SPMIP2: variants seen among roughly 807,000 people sequenced by gnomAD.
The protein encoded by SPMIP2 is protein SPMIP2.
chr4:159,016,515 T>A, the SPMIP2 span, among the ~76,000 whole-genome samples: 1 of 152,188 alleles, frequency 6.6e-6, no homozygotes, highest in Non-Finnish European at 1.5e-5. Flanking sequence ...AGCTCCCAAT[T>A]TTCTAGTTAA....
At chr4:158,980,022 G>A in the SPMIP2 span, among the ~76,000 whole-genome samples, 260 of 152,142 alleles carry the variant, frequency 1.7e-3, 1 homozygote, top group African/African-American at 5.8e-3. Context: ...TTGGTGGGGA[G>A]GGGTATCCAC....
chr4:158,953,739 T>C, the SPMIP2 span, among the ~76,000 whole-genome samples: 1 of 152,190 alleles, frequency 6.6e-6, no homozygotes, highest in Non-Finnish European at 1.5e-5. Flanking sequence ...CCCAAGACCA[T>C]GGGAACCTAC....
chr4:158,921,976 C>T, the SPMIP2 span, among the ~76,000 whole-genome samples: 10 of 150,474 alleles, frequency 6.6e-5, no homozygotes, highest in Non-Finnish European at 1.2e-4. Context: ...CAAGTTCCAC[C>T]TCCTGGGTTC....
the SPMIP2 span, among the ~76,000 whole-genome samples, chr4:159,044,004 G>A: frequency 6.6e-6 from 1 of 152,122 alleles, no homozygotes; most frequent in Admixed American, 6.5e-5. Context: ...AGGCTTATGA[G>A]CATTTGGGCC....
chr4:158,996,402 G>C, the SPMIP2 span, among the ~76,000 whole-genome samples: 2 of 151,990 alleles, frequency 1.3e-5, no homozygotes, highest in South Asian at 2.1e-4. Context: ...AATGTGCATG[G>C]TATAGTCAGT....
the SPMIP2 span, among the ~76,000 whole-genome samples, chr4:158,980,932 T>A: frequency 6.6e-6 from 1 of 152,130 alleles, no homozygotes; most frequent in Admixed American, 6.5e-5. Flanking sequence ...GAGCATGTTC[T>A]AACAGAATGC....
chr4:158,991,321 C>T, the SPMIP2 span, among the ~76,000 whole-genome samples: 1 of 152,198 alleles, frequency 6.6e-6, no homozygotes, highest in Non-Finnish European at 1.5e-5. Context: ...AACATTGCCT[C>T]AGTCCTTTCT....
the SPMIP2 span, among the ~76,000 whole-genome samples, chr4:158,954,651 A>G: frequency 2.0e-5 from 3 of 152,240 alleles, no homozygotes; most frequent in African/African-American, 7.2e-5. Flanking sequence ...AAGAAGTCCT[A>G]TCCCTGGAAA....
chr4:158,967,252 T>C, the SPMIP2 span, among the ~76,000 whole-genome samples: 7 of 151,874 alleles, frequency 4.6e-5, no homozygotes, highest in African/African-American at 1.7e-4. Context: ...TATAAGGAGG[T>C]TAATATATTA....
the SPMIP2 span, among the ~76,000 whole-genome samples, chr4:158,980,858 G>C: frequency 5.9e-5 from 9 of 152,214 alleles, no homozygotes; most frequent in Non-Finnish European, 1.2e-4. Context: ...CGGAGAATGA[G>C]TTTGATGAAC....
At chr4:159,016,682 A>T in the SPMIP2 span, among the ~76,000 whole-genome samples, 37 of 152,260 alleles carry the variant, frequency 2.4e-4, no homozygotes, top group African/African-American at 8.4e-4. Context: ...CTTGCCAGCT[A>T]AAAAAGGCTA....
the SPMIP2 span, among the ~76,000 whole-genome samples, chr4:158,938,073 A>G: frequency 6.6e-6 from 1 of 152,248 alleles, no homozygotes; most frequent in Non-Finnish European, 1.5e-5. Flanking sequence ...TTTTGCAAAA[A>G]TGGTAAGAAT....
chr4:158,942,636 G>A, the SPMIP2 span, among the ~76,000 whole-genome samples: 1 of 152,106 alleles, frequency 6.6e-6, no homozygotes, highest in Non-Finnish European at 1.5e-5. Flanking sequence ...CAGGCATGGT[G>A]GTGGTGGGGA....
At chr4:158,966,042 T>C in the SPMIP2 span, among the ~76,000 whole-genome samples, 1 of 152,194 alleles carries the variant, frequency 6.6e-6, no homozygotes, top group African/African-American at 2.4e-5. Flanking sequence ...CAAAGAAACT[T>C]TCCTGTGAAT....
chr4:159,067,643 G>A, the SPMIP2 span, among the ~76,000 whole-genome samples: 1 of 152,150 alleles, frequency 6.6e-6, no homozygotes, highest in African/African-American at 2.4e-5. Flanking sequence ...GGCAACAAAA[G>A]CCAAAATTGA....
At chr4:158,945,936 G>C in the SPMIP2 span, among the ~76,000 whole-genome samples, 1 of 152,042 alleles carries the variant, frequency 6.6e-6, no homozygotes, top group Non-Finnish European at 1.5e-5. Flanking sequence ...TCCATGCTTT[G>C]ATTTCATCAC....
the SPMIP2 span, among the ~76,000 whole-genome samples, chr4:158,901,899 A>C: frequency 1.3e-5 from 2 of 151,564 alleles, no homozygotes; most frequent in African/African-American, 4.9e-5. Context: ...ACCTTTTTTC[A>C]AGGTTCTTAG....
chr4:159,037,718 A>T, the SPMIP2 span, among the ~76,000 whole-genome samples: 1 of 151,528 alleles, frequency 6.6e-6, no homozygotes, highest in East Asian at 2.0e-4. Context: ...GACTACAGTG[A>T]GCTGTGATCA....
At chr4:158,952,426 T>C in the SPMIP2 span, among the ~76,000 whole-genome samples, 2 of 152,202 alleles carry the variant, frequency 1.3e-5, no homozygotes, top group Non-Finnish European at 2.9e-5. Context: ...CTTCTGCATC[T>C]TCCTCATTTT....
Sources: gnomAD v4.1 joint callset for allele counts (sites outside exome capture counted in the v4.1 genomes callset) on GRCh38, gnomAD v4.1.1 for gene constraint, MANE v1.5 for transcripts, NCBI Gene and HGNC (gene_info 2026-07-23, HGNC 2026-07-21) for gene names.